NELL1: variants seen among roughly 807,000 people sequenced by gnomAD.
NELL1 encodes protein kinase C-binding protein NELL1.
A neutral mutation model predicts 107.4 loss-of-function variants in NELL1; 76 were observed. The ratio of observed to expected loss-of-function variants is 0.71; its 90% CI spans 0.59 to 0.86. The LOEUF (loss-of-function observed/expected upper bound fraction) is 0.86, where lower values mean the gene tolerates loss of function less well. Among genes scored for constraint, NELL1 ranks in the 40% least tolerant of loss-of-function variants. The probability of loss-of-function intolerance (pLI) is 0.00; values close to 1 mark genes in which losing one functional copy is unlikely to be tolerated. For synonymous variants in NELL1, 353 were observed against 341.2 expected (o/e 1.03, Z -0.38); for missense variants, 1,024 against 1,005.5 (o/e 1.02, Z -0.25).
At chr11:20,786,806 A>C (rs887563294) in intron 3 of NELL1, among the ~76,000 whole-genome samples, 7 of 151,986 alleles carry the variant, frequency 4.6e-5, no homozygotes, top group African/African-American at 7.2e-5. Flanking sequence ...CAGGAGATCG[A>C]GACCATCCTG....
intron 3 of NELL1, among the ~76,000 whole-genome samples, chr11:20,828,931 A>G (rs2134034073): frequency 6.6e-6 from 1 of 152,334 alleles, no homozygotes; most frequent in Non-Finnish European, 1.5e-5. Flanking sequence ...AAAAACTATG[A>G]TTCAAAAGAG....
chr11:20,708,937 A>G (rs975933472), intron 2 of NELL1, among the ~76,000 whole-genome samples: 53 of 152,066 alleles, frequency 3.5e-4, no homozygotes, highest in African/African-American at 1.3e-3. Flanking sequence ...CAGGCATTAG[A>G]TTCTTAAAAG....
chr11:21,041,362 A>T (rs1853227250), intron 12 of NELL1, among the ~76,000 whole-genome samples: 1 of 152,206 alleles, frequency 6.6e-6, no homozygotes, highest in African/African-American at 2.4e-5. Flanking sequence ...GCATTAATGG[A>T]TGAACATTCC....
At chr11:21,483,930 C>T (rs1854556006) in intron 15 of NELL1, among the ~76,000 whole-genome samples, 1 of 132,636 alleles carries the variant, frequency 7.5e-6, no homozygotes, top group Non-Finnish European at 1.6e-5. Context: ...GTGGTTATAA[C>T]CACCCAATAT....
intron 17 of NELL1, among the ~76,000 whole-genome samples, chr11:21,568,939 A>G (rs543379219): frequency 1.6e-4 from 24 of 151,904 alleles, no homozygotes; most frequent in African/African-American, 5.8e-4. Context: ...TACTAAATAC[A>G]TAAACCAGTA....
chr11:21,134,989 G>T (rs1344926083), intron 13 of NELL1, among the ~76,000 whole-genome samples: 1 of 152,160 alleles, frequency 6.6e-6, no homozygotes, highest in African/African-American at 2.4e-5. Context: ...AAGACCGAAT[G>T]CCTAGCATAT....
At chr11:21,541,594 T>C (rs2133979157) in intron 16 of NELL1, among the ~76,000 whole-genome samples, 1 of 152,178 alleles carries the variant, frequency 6.6e-6, no homozygotes, top group East Asian at 1.9e-4. Context: ...CAAACCTCAC[T>C]GAAGGGGAGG....
chr11:21,346,583 A>G (rs1402870330), intron 14 of NELL1, among the ~76,000 whole-genome samples: 1 of 138,556 alleles, frequency 7.2e-6, no homozygotes, highest in African/African-American at 2.5e-5. Context: ...ATATATGATA[A>G]ATATAATATA....
chr11:21,501,535 C>G (rs1016265723), intron 15 of NELL1, among the ~76,000 whole-genome samples: 5 of 152,112 alleles, frequency 3.3e-5, no homozygotes, highest in African/African-American at 1.2e-4. Context: ...AGCAGGAGAC[C>G]TCATTATTTG....
chr11:21,427,265 C>T (rs996982843), intron 15 of NELL1, among the ~76,000 whole-genome samples: 12 of 152,166 alleles, frequency 7.9e-5, no homozygotes, highest in Non-Finnish European at 1.6e-4. Context: ...GCAACTGTAA[C>T]ATAAAACCTA....
At chr11:20,929,737 C>T (rs991198851) in intron 9 of NELL1, among the ~76,000 whole-genome samples, 11 of 151,988 alleles carry the variant, frequency 7.2e-5, no homozygotes, top group African/African-American at 2.4e-4. Flanking sequence ...TTTGGGAGGC[C>T]GAGGCCGTCG....
intron 15 of NELL1, among the ~76,000 whole-genome samples, chr11:21,404,449 T>G (rs1852185869): frequency 6.6e-6 from 1 of 151,940 alleles, no homozygotes; most frequent in Non-Finnish European, 1.5e-5. Context: ...AATTTTCTGA[T>G]TTACCTTCTC....
At chr11:21,062,972 C>T (rs373549837) in intron 12 of NELL1, among the ~76,000 whole-genome samples, 2 of 151,842 alleles carry the variant, frequency 1.3e-5, no homozygotes, top group African/African-American at 4.8e-5. Context: ...GGATTACAAA[C>T]GTATGCCACC....
At chr11:20,749,371 C>G (rs1003377320) in intron 2 of NELL1, among the ~76,000 whole-genome samples, 1 of 151,936 alleles carries the variant, frequency 6.6e-6, no homozygotes, top group Non-Finnish European at 1.5e-5. Context: ...AGGTCAAGGT[C>G]GGTGGATGCT....
chr11:21,562,835 T>C (rs1856883432), intron 17 of NELL1, among the ~76,000 whole-genome samples: 1 of 152,042 alleles, frequency 6.6e-6, no homozygotes, highest in South Asian at 2.1e-4. Flanking sequence ...GAAATAGAGT[T>C]AAAATTTTTA....
At chr11:20,955,886 G>A (rs1468738443) in intron 11 of NELL1, among the ~76,000 whole-genome samples, 2 of 152,070 alleles carry the variant, frequency 1.3e-5, no homozygotes, top group Admixed American at 1.3e-4. Context: ...TTTATCTAGT[G>A]GAGTGATTTC....
At position 20,686,636 on chromosome 11, in the gene NELL1, A is replaced by G. The variant is rs536937947; in HGVS notation, c.184+8576A>G. ...TGTAGCTTGGCATTTGCCTTGTTCG[A>G]ACATTTGGCCACTGTGGCTGAAACT... On this transcript the variant is annotated intron_variant, in intron 2 of 19. Transcript: ENST00000357134. Among the ~76,000 whole-genome samples the G allele has an allele frequency of 7.5e-4, 114 of 152,264 alleles. No homozygotes were observed. The Middle Eastern group carries it at 0.017, about 23-fold the overall frequency.
intron 2 of NELL1, among the ~76,000 whole-genome samples, chr11:20,743,525 A>G (rs564139112): frequency 6.6e-6 from 1 of 152,202 alleles, no homozygotes; most frequent in East Asian, 1.9e-4. Context: ...TTTTGTAATT[A>G]GTTGTATATC....
intron 3 of NELL1, among the ~76,000 whole-genome samples, chr11:20,844,237 A>C (rs1379679593): frequency 6.6e-6 from 1 of 152,188 alleles, no homozygotes; most frequent in Non-Finnish European, 1.5e-5. Flanking sequence ...AAAGAGGAAG[A>C]AGGCAGAATC....
Sources: gnomAD v4.1 joint callset for allele counts (sites outside exome capture counted in the v4.1 genomes callset) on GRCh38, gnomAD v4.1.1 for gene constraint, MANE v1.5 for transcripts, NCBI Gene and HGNC (gene_info 2026-07-23, HGNC 2026-07-21) for gene names.